The following ERO1B variants were observed in gnomAD, a reference collection of about 807,000 sequenced individuals.
ERO1B encodes ERO1-like protein beta.
A neutral mutation model predicts 75.3 loss-of-function variants in ERO1B; 49 were observed. That is an observed-to-expected ratio of 0.65 (90% CI 0.52 to 0.83). The LOEUF is 0.83. Among genes scored for constraint, ERO1B ranks in the 40% least tolerant of loss-of-function variants. The pLI is 0.00. For missense variants in ERO1B, 512 were observed against 560.1 expected (o/e 0.91, Z 0.87); for synonymous variants, 191 against 192.9 (o/e 0.99, Z 0.08).
intron 13 of ERO1B, among the ~76,000 whole-genome samples, chr1:236,223,694 C>G (rs1408855743): frequency 6.6e-6 from 1 of 152,190 alleles, no homozygotes; most frequent in East Asian, 1.9e-4. Context: ...TCACTTTCCT[C>G]ATCTACAAAA....
chr1:236,246,155 A>C (rs1403575702), intron 5 of ERO1B, among the ~76,000 whole-genome samples: 1 of 152,100 alleles, frequency 6.6e-6, no homozygotes. Context: ...ATACATATGT[A>C]TGTACCAAAT....
At position 236,215,234 on chromosome 1, in the gene ERO1B, T is replaced by C. The variant is rs1382442857; in HGVS notation, c.*3282A>G. On this transcript the variant is annotated 3_prime_UTR_variant, in exon 16 of 16. Transcript: ENST00000354619. ...TAGAATCAGTCTTTCTCGTCTCAAATTCTTGCTCCACAACCTAGAATTTGT... is the reference window on the plus strand; with the variant it reads ...TAGAATCAGTCTTTCTCGTCTCAAACTCTTGCTCCACAACCTAGAATTTGT... 6.6e-6 allele frequency among the ~76,000 whole-genome samples: 1 copy of C among 152,244 alleles called. No homozygotes were observed. Among genetic ancestry groups the C allele is most frequent in the Non-Finnish European group, 1.5e-5 (1 of 68,044 alleles).
chr1:236,246,402 C>G (rs1664888678), intron 5 of ERO1B, among the ~76,000 whole-genome samples: 1 of 151,960 alleles, frequency 6.6e-6, no homozygotes, highest in Admixed American at 6.6e-5. Flanking sequence ...GAACTCCTGG[C>G]TTCAACCAAT....
chr1:236,259,209 T>C (rs1665234843), intron 2 of ERO1B, among the ~76,000 whole-genome samples: 1 of 152,168 alleles, frequency 6.6e-6, no homozygotes, highest in Admixed American at 6.5e-5. Flanking sequence ...GTAGGTCTCA[T>C]GGTAACTACA....
chr1:236,279,508 A>AAAAAAAAAAAC (rs1665777893), intron 1 of ERO1B, among the ~76,000 whole-genome samples: 2 of 145,798 alleles, frequency 1.4e-5, no homozygotes, highest in Admixed American at 6.9e-5. Flanking sequence ...CCATCTCAAA[A>AAAAAAAAAAAC]AAAAAAAAAA....
chr1:236,244,719 G>A (rs564557569), intron 5 of ERO1B, among the ~76,000 whole-genome samples: 1 of 152,110 alleles, frequency 6.6e-6, no homozygotes. Flanking sequence ...CCATGCCTAA[G>A]CCCGAAAAAA....
chr1:236,253,438 A>C lies in ERO1B; in HGVS notation c.290T>G (p.Val97Gly). 1 of 1,608,644 alleles carries C rather than the reference A, an allele frequency of 6.2e-7. No individual in the cohort carries two copies. Among genetic ancestry groups the C allele is most frequent in the Non-Finnish European group, 8.5e-7 (1 of 1,176,254 alleles). The change falls in exon 3 of 16, where the codon GTG (valine) becomes GGG (glycine). Residue 97 changes from valine to glycine, a missense_variant. By Grantham distance (109) the Val-to-Gly change is moderately radical (BLOSUM62 -3). Transcript: ENST00000354619. ...TTATTATACCTCTGGACAGGGCTCC[A>C]CATGACAGTCTTTTATTGAACAGTG... ...DGHCSIKDCH[V>G]EPCPESKIPV...
Position 236,220,769 on chromosome 1 carries a change from A to G in ERO1B, c.1343+63T>C, listed in dbSNP as rs936665970. 5 of 1,426,554 alleles carry G rather than the reference A, an allele frequency of 3.5e-6. No homozygotes were observed. The Admixed American group carries it at 7.9e-5, about 22-fold the overall frequency. The allele number at this position is 1,426,554 out of a possible 1,614,324, so 88.4% of individuals were successfully genotyped here. A position where few individuals can be genotyped will look rare whatever the true frequency, so the allele number is the denominator to read the frequency against. On this transcript the variant is annotated intron_variant, in intron 15 of 15. Coordinates refer to ENST00000354619, the MANE Select transcript of ERO1B (RefSeq NM_019891.4). ...AACCCTACTTTTAGCAAAGAAGATTATCTTTGCAGTTTGTTGAAACCCAAT... is the reference window on the plus strand; with the variant it reads ...AACCCTACTTTTAGCAAAGAAGATTGTCTTTGCAGTTTGTTGAAACCCAAT...
chr1:236,277,721 T>C (rs926413090), intron 1 of ERO1B, among the ~76,000 whole-genome samples: 1 of 152,108 alleles, frequency 6.6e-6, no homozygotes, highest in Non-Finnish European at 1.5e-5. Context: ...TAAGGATAGA[T>C]GAAAAGGTGA....
intron 8 of ERO1B, 43 bp from the exon 9 acceptor site, chr1:236,232,882 C>T: frequency 6.6e-7 from 1 of 1,523,780 alleles, no homozygotes; most frequent in Non-Finnish European, 9.0e-7. Context: ...AAATGTCTTA[C>T]ATAGCTCAGA....
intron 1 of ERO1B, among the ~76,000 whole-genome samples, chr1:236,272,315 C>T (rs2102966594): frequency 6.6e-6 from 1 of 152,170 alleles, no homozygotes; most frequent in Admixed American, 6.5e-5. Flanking sequence ...TAGTCAAGTA[C>T]CCATCAACGG....
intron 2 of ERO1B, among the ~76,000 whole-genome samples, chr1:236,266,545 A>C (rs1323196949): frequency 1.3e-5 from 2 of 152,120 alleles, no homozygotes; most frequent in East Asian, 3.8e-4. Flanking sequence ...CTGAGGTTGC[A>C]GTGAACCAAG....
chr1:236,263,492 C>T (rs1414102420), intron 2 of ERO1B, among the ~76,000 whole-genome samples: 1 of 152,052 alleles, frequency 6.6e-6, no homozygotes, highest in Non-Finnish European at 1.5e-5. Context: ...TCAAGTGATG[C>T]ACCCACCTCA....
chr1:236,251,633 A>G (rs1160328469), intron 4 of ERO1B, among the ~76,000 whole-genome samples: 1 of 152,150 alleles, frequency 6.6e-6, no homozygotes, highest in Non-Finnish European at 1.5e-5. Flanking sequence ...ATAAAAGGAC[A>G]AGAACAATAA....
Position 236,239,909 on chromosome 1 carries a change from A to ATTTTTTTT in ERO1B, c.505+3512_506-3511insAAAAAAAA, listed in dbSNP as rs1345692165. On this transcript the variant is annotated intron_variant, in intron 6 of 15. Transcript: ENST00000354619. Reference sequence around the variant, plus strand: ...TGTGTGTGTATATATATATATATATATATTTTTTTTTTTTGCGATGAGGCT... The same window carrying ATTTTTTTT: ...TGTGTGTGTATATATATATATATATATTTTTTTTTATTTTTTTTTTTTGCGATGAGGCT... Among the ~76,000 whole-genome samples, 187 of 106,838 alleles carry ATTTTTTTT rather than the reference A, an allele frequency of 1.8e-3. 3 individuals carry two copies. Among genetic ancestry groups the ATTTTTTTT allele is most frequent in the East Asian group, 0.01 (24 of 2,316 alleles). The allele number at this position is 106,838 out of a possible 152,430, so 70.1% of individuals were successfully genotyped here.
At chr1:236,235,761 C>T in intron 8 of ERO1B, 28 bp downstream of exon 8, 1 of 1,580,966 alleles carries the variant, frequency 6.3e-7, no homozygotes, top group Non-Finnish European at 8.6e-7. Flanking sequence ...CAATGAAAAG[C>T]ATGAAAATGT....
chr1:236,229,047 A>T, intron 10 of ERO1B, among the ~76,000 whole-genome samples: 1 of 152,264 alleles, frequency 6.6e-6, no homozygotes, highest in African/African-American at 2.4e-5. Context: ...TACATAAGTG[A>T]TTTTCTCATA....
chr1:236,281,812 C>T lies in ERO1B; in HGVS notation c.-29G>A. On this transcript the variant is annotated 5_prime_UTR_variant, in exon 1 of 16. Coordinates refer to ENST00000354619, the MANE Select transcript of ERO1B (RefSeq NM_019891.4). ...GACCTCTACCCACACCGCGGCCAGCCGGACCCCTCGGGGCCGGGGAACGAC... is the reference window on the plus strand; with the variant it reads ...GACCTCTACCCACACCGCGGCCAGCTGGACCCCTCGGGGCCGGGGAACGAC... 3 of 1,390,650 alleles carry T rather than the reference C, an allele frequency of 2.2e-6. No individual in the cohort carries two copies. The highest frequency in any genetic ancestry group is 3.0e-5 in the African/African-American group (2 of 66,848). 86.1% of individuals were successfully genotyped at this position (1,390,650 alleles called of 1,614,324 possible). A position where few individuals can be genotyped will look rare whatever the true frequency, so the allele number is the denominator to read the frequency against.
chr1:236,222,059 C>T, intron 13 of ERO1B, 49 bp from the exon 14 acceptor site: 1 of 1,408,186 alleles, frequency 7.1e-7, no homozygotes, highest in Non-Finnish European at 1.0e-6. Flanking sequence ...TAAAATTGAA[C>T]CGCATTTGGC....
Sources: allele counts gnomAD v4.1 joint callset (sites outside exome capture counted in the v4.1 genomes callset), GRCh38; gene constraint gnomAD v4.1.1; transcripts MANE v1.5; gene names NCBI Gene and HGNC (gene_info 2026-07-23, HGNC 2026-07-21).